The following CYFIP2 variants were observed in gnomAD, a reference collection of about 807,000 sequenced individuals.
CYFIP2 encodes the protein cytoplasmic FMR1 interacting protein 2, also known as cytoplasmic FMR1-interacting protein 2.
A neutral mutation model predicts 158.7 loss-of-function variants in CYFIP2; 29 were observed. That is an observed-to-expected ratio of 0.18 (90% CI 0.14 to 0.25). The LOEUF (loss-of-function observed/expected upper bound fraction) is 0.25. Ranked by LOEUF, CYFIP2 falls within the 10% of genes least tolerant of loss-of-function variation. The probability of loss-of-function intolerance (pLI) is 1.00; values close to 1 mark genes in which losing one functional copy is unlikely to be tolerated. For missense variants in CYFIP2, 852 were observed against 1,639.5 expected (o/e 0.52, Z 8.29); for synonymous variants, 585 against 617.6 (o/e 0.95, Z 0.78).
At chr5:157,366,911 C>T (rs1317140917) in intron 26 of CYFIP2, among the ~76,000 whole-genome samples, 1 of 152,182 alleles carries the variant, frequency 6.6e-6, no homozygotes, top group East Asian at 1.9e-4. Flanking sequence ...CAGCATACAC[C>T]AGGAGAGGGA....
chr5:157,286,080 T>A (rs1486405287), intron 2 of CYFIP2, among the ~76,000 whole-genome samples: 1 of 152,200 alleles, frequency 6.6e-6, no homozygotes, highest in Non-Finnish European at 1.5e-5. Context: ...CTTTTGATAG[T>A]TCTCAGATTG....
chr5:157,327,243 C>T (rs11743919), intron 18 of CYFIP2, among the ~76,000 whole-genome samples: 29,134 of 152,102 alleles, frequency 0.19, 2,972 homozygotes, highest in Middle Eastern at 0.26. Context: ...TGAAGGAAGG[C>T]GCTTTTAAAT....
chr5:157,297,575 C>A (rs1410802965), intron 5 of CYFIP2, among the ~76,000 whole-genome samples: 1 of 152,120 alleles, frequency 6.6e-6, no homozygotes, highest in African/African-American at 2.4e-5. Flanking sequence ...AGCCCAAAAT[C>A]TTTTTGGGAA....
chr5:157,321,115 A>G (rs1043172548), intron 15 of CYFIP2, among the ~76,000 whole-genome samples: 2 of 152,208 alleles, frequency 1.3e-5, no homozygotes, highest in East Asian at 1.9e-4. Flanking sequence ...TTGCCTGGCT[A>G]TCTTCTAGTC....
chr5:157,315,025 C>G lies in CYFIP2; in HGVS notation c.1287C>G (p.Gly429=). 1 of 1,608,378 alleles carries G rather than the reference C, an allele frequency of 6.2e-7. No individual in the cohort carries two copies. The highest frequency in any genetic ancestry group is 8.5e-7 in the Non-Finnish European group (1 of 1,177,610). Residue 429 remains glycine, a synonymous_variant, in exon 13 of 31, where the codon GGC becomes GGG. Transcript: ENST00000620254. ...TDKFCNKDCP[G]TAEEYERATR... is the part of the protein sequence containing the mutation. Reference sequence around the variant, plus strand: ...AGTTCTGCAACAAGGACTGTCCTGGCACCGCGGAGGAATATGAGAGAGCCA... The same window carrying G: ...AGTTCTGCAACAAGGACTGTCCTGGGACCGCGGAGGAATATGAGAGAGCCA...
intron 26 of CYFIP2, among the ~76,000 whole-genome samples, chr5:157,368,189 G>C (rs1260171852): frequency 1.3e-5 from 2 of 152,236 alleles, no homozygotes; most frequent in Non-Finnish European, 2.9e-5. Context: ...TATGGGATGT[G>C]ATGGGTGACA....
intron 9 of CYFIP2, 124 bp downstream of exon 9, chr5:157,307,989 A>C: frequency 1.6e-6 from 1 of 612,870 alleles, no homozygotes; most frequent in South Asian, 1.9e-5. Flanking sequence ...GTAGCTCCAA[A>C]GATCCCAAGA....
At position 157,320,655 on chromosome 5, in the gene CYFIP2, C is replaced by T. The variant is rs370084969; in HGVS notation, c.1524C>T (p.Ser508=). 123 of 1,613,904 alleles carry T rather than the reference C, an allele frequency of 7.6e-5. No individual in the cohort carries two copies. The highest frequency in any genetic ancestry group is 1.0e-4 in the Non-Finnish European group (118 of 1,179,852). ...TAAGTCTTAGTTCTTCCTTCCCCAG[C>T]GTCCTACAGGCAATTCGAAAGACCA... ...AVRKKKNVLI[S]VLQAIRKTIC... Residue 508 remains serine (S), a splice_region_variant and synonymous_variant, in exon 15 of 31, where the codon AGC becomes AGT. Transcript: ENST00000620254.
chr5:157,292,322 T>C (rs150641504), intron 3 of CYFIP2, among the ~76,000 whole-genome samples: 423 of 152,186 alleles, frequency 2.8e-3, no homozygotes, highest in African/African-American at 9.7e-3. Context: ...CGGGTTCAAG[T>C]GATTCTTCTG....
intron 26 of CYFIP2, among the ~76,000 whole-genome samples, chr5:157,369,044 A>G (rs1764727992): frequency 6.6e-6 from 1 of 151,838 alleles, no homozygotes; most frequent in South Asian, 2.1e-4. Context: ...GATCACAAGC[A>G]TGTGCCGCTA....
chr5:157,376,731 C>T, intron 26 of CYFIP2: 1 of 322,688 alleles, frequency 3.1e-6, no homozygotes, highest in Non-Finnish European at 6.4e-6. Flanking sequence ...TCTTGGTCAC[C>T]CTGAGAAGCA....
intron 15 of CYFIP2, chr5:157,322,839 A>G: frequency 8.1e-7 from 1 of 1,239,746 alleles, no homozygotes; most frequent in Middle Eastern, 2.0e-4. Context: ...ACCGTATACA[A>G]TACCTCTTGC....
At chr5:157,386,451 A>G (rs1475646332) in intron 28 of CYFIP2, among the ~76,000 whole-genome samples, 4 of 152,208 alleles carry the variant, frequency 2.6e-5, no homozygotes, top group South Asian at 2.1e-4. Context: ...AGGAGTATTC[A>G]TGAGGGTACA....
chr5:157,362,182 G>A (rs1292442605), intron 26 of CYFIP2, among the ~76,000 whole-genome samples: 2 of 152,168 alleles, frequency 1.3e-5, no homozygotes, highest in African/African-American at 4.8e-5. Context: ...TAAAATTTAG[G>A]GTCAGCAGAA....
Position 157,311,246 on chromosome 5 carries a change from C to A in CYFIP2, c.993-418C>A. On this transcript the variant is annotated intron_variant, in intron 10 of 30. Coordinates refer to ENST00000620254, the MANE Select transcript of CYFIP2 (RefSeq NM_001037333.3). This position sits in a 1 kb window ranked among gnomAD's most constrained non-coding sequence, Gnocchi z 4.7. ...TTTCCGCAATCCCAGCCCAAAGGCC[C>A]CCCAAAGCCAGCTTCAACCGCAGAG... The A allele has an allele frequency of 2.7e-6, 1 of 375,996 alleles. No individual in the cohort carries two copies. The highest frequency in any genetic ancestry group is 5.3e-6 in the Non-Finnish European group (1 of 190,080). 23.3% of individuals were successfully genotyped at this position (375,996 alleles called of 1,614,324 possible). A position where few individuals can be genotyped will look rare whatever the true frequency, so the allele number is the denominator to read the frequency against.
intron 8 of CYFIP2, among the ~76,000 whole-genome samples, chr5:157,305,927 T>C (rs1759180374): frequency 6.6e-6 from 1 of 152,252 alleles, no homozygotes; most frequent in Non-Finnish European, 1.5e-5. Flanking sequence ...TGACTAAATT[T>C]ATTTGGCTAT....
intron 23 of CYFIP2, among the ~76,000 whole-genome samples, chr5:157,356,057 G>A (rs570866455): frequency 1.6e-3 from 238 of 152,278 alleles, no homozygotes; most frequent in Non-Finnish European, 2.4e-3. Flanking sequence ...TATTCAGTAA[G>A]ATGCACTGTC....
At chr5:157,306,228 T>A (rs1424218277) in intron 8 of CYFIP2, among the ~76,000 whole-genome samples, 1 of 152,192 alleles carries the variant, frequency 6.6e-6, no homozygotes, top group Non-Finnish European at 1.5e-5. Flanking sequence ...CTCAGTTAAG[T>A]TTGCAGGGCT....
Position 157,272,688 on chromosome 5 carries a change from G to A in CYFIP2, c.-24+6493G>A, listed in dbSNP as rs559677658. On this transcript the variant is annotated intron_variant, in intron 1 of 30. Coordinates refer to ENST00000620254, the MANE Select transcript of CYFIP2 (RefSeq NM_001037333.3). ...CCATCTCCCTCCCTCCCCTGCCCCC[G>A]TCTCTCAAGATAGGAAGAGCTCTAT... is the stretch of plus-strand genomic sequence containing the variant. Among the ~76,000 whole-genome samples, 12 of 151,950 alleles carry A rather than the reference G, an allele frequency of 7.9e-5. No individual in the cohort carries two copies. The South Asian group carries it at 8.3e-4, about 11-fold the overall frequency.
Sources: allele counts gnomAD v4.1 joint callset (sites outside exome capture counted in the v4.1 genomes callset), GRCh38; gene constraint gnomAD v4.1.1; non-coding constraint Gnocchi (gnomAD v3.1); transcripts MANE v1.5; gene names NCBI Gene and HGNC (gene_info 2026-07-23, HGNC 2026-07-21).